NEBL: variants seen among roughly 807,000 people sequenced by gnomAD.
The protein encoded by NEBL is nebulette.
Under a neutral mutation model 140.2 loss-of-function variants are expected in NEBL, and 122 were observed. The observed-to-expected ratio is 0.87, with a 90% CI of 0.75 to 1.01. The LOEUF (loss-of-function observed/expected upper bound fraction) is 1.01, where lower values mean the gene tolerates loss of function less well. NEBL is among the 50% of genes least tolerant of loss of function. NEBL has a pLI of 0.00. For synonymous variants in NEBL, 436 were observed against 398.9 expected, an observed-to-expected ratio of 1.09 and a Z score of -1.11; for missense variants, 1,365 against 1,231.3, an observed-to-expected ratio of 1.11 and a Z score of -1.62.
At chr10:20,823,115 T>C (rs1258175139) in intron 19 of NEBL, 93 bp downstream of exon 19, 5 of 933,196 alleles carry the variant, frequency 5.4e-6, no homozygotes, top group Admixed American at 2.1e-5. Flanking sequence ...ATGAGGTTCA[T>C]TGTGATGGCA....
intron 2 of NEBL, among the ~76,000 whole-genome samples, chr10:21,099,279 A>G (rs1042353758): frequency 6.6e-6 from 1 of 152,176 alleles, no homozygotes; most frequent in Non-Finnish European, 1.5e-5. Flanking sequence ...TTCTTCTTCT[A>G]TAACCTCACA....
chr10:21,030,220 C>A (rs1280354516), intron 2 of NEBL: 9 of 524,518 alleles, frequency 1.7e-5, no homozygotes. Context: ...GGGAGAGACA[C>A]CCAAGCTGGC....
At chr10:20,915,718 A>G (rs1027862462) in intron 4 of NEBL, among the ~76,000 whole-genome samples, 6 of 152,186 alleles carry the variant, frequency 3.9e-5, no homozygotes, top group South Asian at 2.1e-4. Flanking sequence ...ATAAACATAC[A>G]TGTGCATGTG....
At chr10:20,920,265 C>T (rs10764292) in intron 4 of NEBL, among the ~76,000 whole-genome samples, 114,948 of 152,140 alleles carry the variant, frequency 0.76, 43,749 homozygotes, top group African/African-American at 0.84. Context: ...CATATGCATT[C>T]ACTTTTTAAC....
At position 21,240,015 on chromosome 10, in the gene NEBL, C is replaced by CA. The variant is rs796849325; in HGVS notation, n.348+7905dup. Among the ~76,000 whole-genome samples the CA allele has an allele frequency of 8.1e-3, 872 of 107,826 alleles. 5 individuals are homozygous for CA. Among genetic ancestry groups the CA allele is most frequent in the African/African-American group, 0.02 (556 of 28,380 alleles). The allele number at this position is 107,826 out of a possible 152,430, so 70.7% of individuals were successfully genotyped here. ...TGGGTGACAGAGCGAGACTCTGCCTCAAAAAAAAAAAAAATGCAGTAAACG... is the reference window on the plus strand; with the variant it reads ...TGGGTGACAGAGCGAGACTCTGCCTCAAAAAAAAAAAAAAATGCAGTAAACG... On this transcript the variant is annotated intron_variant and non_coding_transcript_variant, in intron 3 of 8. Transcript: ENST00000675702.
intron 3 of NEBL, among the ~76,000 whole-genome samples, chr10:21,181,440 G>C (rs1841386244): frequency 6.6e-6 from 1 of 151,622 alleles, no homozygotes; most frequent in Non-Finnish European, 1.5e-5. Context: ...CTGTCGGTAA[G>C]AGGGAGACTC....
intron 4 of NEBL, among the ~76,000 whole-genome samples, chr10:20,959,318 A>T (rs553476332): frequency 6.6e-6 from 1 of 152,294 alleles, no homozygotes; most frequent in Non-Finnish European, 1.5e-5. Context: ...ATTTCCCAGC[A>T]TCTCTAGCCG....
intron 4 of NEBL, among the ~76,000 whole-genome samples, chr10:20,882,833 C>CT (rs1846143513): frequency 1.3e-5 from 2 of 152,080 alleles, no homozygotes; most frequent in Non-Finnish European, 2.9e-5. Context: ...TGAAAGAGAA[C>CT]TCAACCTTGG....
At chr10:21,070,707 A>G (rs1263324079) in intron 2 of NEBL, among the ~76,000 whole-genome samples, 3 of 152,138 alleles carry the variant, frequency 2.0e-5, no homozygotes, top group Non-Finnish European at 4.4e-5. Context: ...CTCAAACACA[A>G]TTATTCATCT....
chr10:20,897,076 T>A (rs893005522), intron 1 of NEBL, 47 bp from the exon 2 acceptor site: 1 of 1,602,452 alleles, frequency 6.2e-7, no homozygotes. Context: ...TTTCTCATTG[T>A]CAATTTAGAG....
At chr10:21,252,837 C>G (rs1842604128) in intron 1 of NEBL, among the ~76,000 whole-genome samples, 1 of 152,148 alleles carries the variant, frequency 6.6e-6, no homozygotes, top group African/African-American at 2.4e-5. Context: ...TGCCTGTAAT[C>G]CCAGCTACTT....
chr10:20,993,973 C>T (rs1837569301), intron 3 of NEBL, among the ~76,000 whole-genome samples: 1 of 152,144 alleles, frequency 6.6e-6, no homozygotes, highest in Non-Finnish European at 1.5e-5. Flanking sequence ...AAGGTCAGAC[C>T]AGCCCCTCAC....
intron 9 of NEBL, among the ~76,000 whole-genome samples, chr10:20,857,239 AC>A (rs1289734754): frequency 6.6e-6 from 1 of 152,224 alleles, no homozygotes; most frequent in Non-Finnish European, 1.5e-5. Context: ...TAATAAACAT[AC>A]ATTTCAAAAC....
chr10:20,944,166 G>C (rs1041455717), intron 4 of NEBL, among the ~76,000 whole-genome samples: 1 of 152,172 alleles, frequency 6.6e-6, no homozygotes, highest in Non-Finnish European at 1.5e-5. Flanking sequence ...TTGGGAGGCC[G>C]AGGCAGGCAG....
chr10:21,289,627 G>A (rs908769285), intron 1 of NEBL, among the ~76,000 whole-genome samples: 7 of 152,118 alleles, frequency 4.6e-5, no homozygotes, highest in African/African-American at 1.4e-4. Context: ...AGCACCCAGC[G>A]TGTGTTAATC....
intron 4 of NEBL, among the ~76,000 whole-genome samples, chr10:20,939,546 C>T (rs1203728940): frequency 6.6e-6 from 1 of 152,206 alleles, no homozygotes; most frequent in Non-Finnish European, 1.5e-5. Flanking sequence ...AAATAACCAA[C>T]TAACATCATA....
At position 20,782,628 on chromosome 10, in the gene NEBL, A is replaced by G. The variant is rs1588578842; in HGVS notation, c.*3119T>C. The G allele has an allele frequency of 1.3e-5, 2 of 152,244 alleles. No homozygotes were observed. The highest frequency in any genetic ancestry group is 2.1e-4 in the South Asian group (1 of 4,832). The allele number at this position is 152,244 out of a possible 1,614,324, so 9.4% of individuals were successfully genotyped here. ...GTCTAATCTTATCCATATTCCTACAAGGTGCTTGTGGAAACTGTGCTTACA... is the reference window on the plus strand; with the variant it reads ...GTCTAATCTTATCCATATTCCTACAGGGTGCTTGTGGAAACTGTGCTTACA... On this transcript the variant is annotated 3_prime_UTR_variant, in exon 28 of 28. Transcript: ENST00000377122.
intron 2 of NEBL, among the ~76,000 whole-genome samples, chr10:21,142,380 C>A (rs1180937685): frequency 6.6e-6 from 1 of 152,136 alleles, no homozygotes; most frequent in Non-Finnish European, 1.5e-5. Context: ...GACACCACCC[C>A]AGAAGTTCCA....
At position 20,823,313 on chromosome 10, in the gene NEBL, T is replaced by C. The variant is rs1268858684; in HGVS notation, c.1870-13A>G. ...CTTTGTATTTCACCTGCATAATTTA[T>C]AAGAATATAACGTTAACTTTATTCT... is the stretch of plus-strand genomic sequence containing the variant. On this transcript the variant is annotated splice_polypyrimidine_tract_variant and intron_variant, in intron 18 of 27. Coordinates refer to ENST00000377122, the MANE Select transcript of NEBL (RefSeq NM_006393.3). The C allele has an allele frequency of 3.8e-6, 6 of 1,567,152 alleles. No homozygotes were observed. The highest frequency in any genetic ancestry group is 5.3e-6 in the Non-Finnish European group (6 of 1,142,612).
Sources: allele counts gnomAD v4.1 joint callset (sites outside exome capture counted in the v4.1 genomes callset), GRCh38; gene constraint gnomAD v4.1.1; transcripts MANE v1.5; gene names NCBI Gene and HGNC (gene_info 2026-07-23, HGNC 2026-07-21).